Variants in KIAA1755 observed in about 807,000 individuals in gnomAD.
The protein encoded by KIAA1755 is KIAA1755.
KIAA1755 carries 68 observed loss-of-function variants against 91.7 expected under a neutral mutation model. The observed-to-expected ratio is 0.74, with a 90% CI of 0.61 to 0.91. The LOEUF is 0.91. Among genes scored for constraint, KIAA1755 ranks in the 40% least tolerant of loss-of-function variants. KIAA1755 has a pLI of 0.00. For synonymous variants in KIAA1755, 610 were observed against 604.6 expected (o/e 1.01, Z -0.13); for missense variants, 1,535 against 1,494.4 (o/e 1.03, Z -0.45).
intron 2 of KIAA1755, among the ~76,000 whole-genome samples, chr20:38,242,913 A>T (rs1373697169): frequency 6.6e-6 from 1 of 151,982 alleles, no homozygotes. Context: ...TTAAAAAGAA[A>T]TTTTTTTTTA....
At chr20:38,257,929 C>T (rs1235546852) in intron 1 of KIAA1755, among the ~76,000 whole-genome samples, 2 of 149,522 alleles carry the variant, frequency 1.3e-5, no homozygotes, top group Admixed American at 6.6e-5. Context: ...GACAAAGTCT[C>T]GCTCTTGTCC....
At chr20:38,214,619 T>C (rs2075512283) in intron 13 of KIAA1755, among the ~76,000 whole-genome samples, 1 of 152,166 alleles carries the variant, frequency 6.6e-6, no homozygotes, top group African/African-American at 2.4e-5. Context: ...CCAAGCACCT[T>C]CATGGGCAGA....
At chr20:38,215,459 C>T (rs910621822) in intron 13 of KIAA1755, among the ~76,000 whole-genome samples, 23 of 152,130 alleles carry the variant, frequency 1.5e-4, no homozygotes, top group African/African-American at 4.8e-4. Flanking sequence ...GAGCTCGCCT[C>T]GCAGGCACCA....
In KIAA1755 at chr20:38,227,369, A is replaced by G; in HGVS notation, c.1966-129T>C. ...CACAAGGACAGAGTGGGGTCCCTCC[A>G]TGACTGGAATCTTTGTGTGATACGT... On this transcript the variant is annotated intron_variant, in intron 6 of 13. Transcript: ENST00000279024. 6.8e-6 allele frequency: 4 copies of G among 589,318 alleles called. No individual in the cohort carries two copies. The South Asian group carries it at 8.4e-5, about 12-fold the overall frequency. The allele number at this position is 589,318 out of a possible 1,614,324, so 36.5% of individuals were successfully genotyped here.
chr20:38,217,268 G>A lies in KIAA1755; in HGVS notation c.2886C>T (p.His962=), dbSNP rs764230417. 3.1e-6 allele frequency: 5 copies of A among 1,602,062 alleles called. No individual in the cohort carries two copies. The highest frequency in any genetic ancestry group is 2.3e-5 in the South Asian group (2 of 88,696). Residue 962 remains histidine, a synonymous_variant, in exon 13 of 14, where the codon CAC becomes CAT. Transcript: ENST00000279024. ...CGGGGCTCACCCTCTTGCAGAAGCGGTGCAGGTGGAGCAGCGTCTCGAGGT... is the reference window on the plus strand; with the variant it reads ...CGGGGCTCACCCTCTTGCAGAAGCGATGCAGGTGGAGCAGCGTCTCGAGGT... ...RTDLETLLHL[H]RFCKRMTWFH... is the part of the protein sequence containing the mutation.
At chr20:38,260,342 C>A in intron 1 of KIAA1755, 156 bp downstream of exon 1, 1 of 1,569,156 alleles carries the variant, frequency 6.4e-7, no homozygotes, top group Non-Finnish European at 8.7e-7. Flanking sequence ...TGAACCCCTG[C>A]TGGGGTGGAA....
rs371432170 is a variant in KIAA1755, at chr20:38,214,530, G to T, written c.2902-787C>A. On this transcript the variant is annotated intron_variant, in intron 13 of 13. Transcript: ENST00000279024. Reference sequence around the variant, plus strand: ...CCATTTCACAGAGAAGAAAACTGAGGCTCAGAGAAGTGAACTCACTTGCCC... The same window carrying T: ...CCATTTCACAGAGAAGAAAACTGAGTCTCAGAGAAGTGAACTCACTTGCCC... 2.6e-5 allele frequency among the ~76,000 whole-genome samples: 4 copies of T among 152,338 alleles called. No homozygotes were observed. In the East Asian group the frequency reaches 5.8e-4, roughly 22 times the overall value.
chr20:38,219,884 A>G, intron 10 of KIAA1755, 116 bp from the exon 11 acceptor site: 1 of 1,365,254 alleles, frequency 7.3e-7, no homozygotes, highest in Non-Finnish European at 1.0e-6. Flanking sequence ...GTTTCCAGCT[A>G]ACTTGCTGTG....
At chr20:38,230,135 C>T (rs887209254) in intron 5 of KIAA1755, among the ~76,000 whole-genome samples, 1 of 152,108 alleles carries the variant, frequency 6.6e-6, no homozygotes, top group African/African-American at 2.4e-5. Flanking sequence ...GAAAAGAGGG[C>T]GCCTCTTCCC....
chr20:38,245,844 C>T (rs2076149663), intron 2 of KIAA1755, 85 bp downstream of exon 2: 1 of 1,309,550 alleles, frequency 7.6e-7, no homozygotes, highest in Non-Finnish European at 1.1e-6. Flanking sequence ...AGACACAGGC[C>T]AGCCCACCTC....
chr20:38,221,147 C>T (rs1230573140), intron 10 of KIAA1755, among the ~76,000 whole-genome samples: 1 of 152,090 alleles, frequency 6.6e-6, no homozygotes, highest in African/African-American at 2.4e-5. Context: ...GCCCAGGGTG[C>T]GTGAATAGGA....
chr20:38,223,760 G>T, intron 8 of KIAA1755, 124 bp from the exon 9 acceptor site: 1 of 669,912 alleles, frequency 1.5e-6, no homozygotes, highest in Non-Finnish European at 2.6e-6. Flanking sequence ...TGCATCAGAA[G>T]CATCTGGAGA....
chr20:38,230,749 G>A lies in KIAA1755; in HGVS notation c.1871+453C>T, dbSNP rs187063178. On this transcript the variant is annotated intron_variant, in intron 5 of 13. Transcript: ENST00000279024. ...ACTAAAAATACAAAATTAGCCAGGT[G>A]TGGTGGTGCATGCCTGTAATCCCAG... Among the ~76,000 whole-genome samples the A allele has an allele frequency of 3.9e-3, 600 of 152,292 alleles. 6 individuals are homozygous for A. The highest frequency in any genetic ancestry group is 0.014 in the African/African-American group (565 of 41,560).
At chr20:38,253,321 G>A (rs2076284967) in intron 1 of KIAA1755, among the ~76,000 whole-genome samples, 1 of 152,220 alleles carries the variant, frequency 6.6e-6, no homozygotes, top group African/African-American at 2.4e-5. Flanking sequence ...CAGGGGAGTA[G>A]GGGCGTGCGT....
At chr20:38,224,732 C>T (rs761300284) in intron 8 of KIAA1755, among the ~76,000 whole-genome samples, 33 of 152,170 alleles carry the variant, frequency 2.2e-4, no homozygotes, top group East Asian at 3.8e-4. Flanking sequence ...AGAGAGGACC[C>T]GGGGCGGGCA....
At chr20:38,239,824 A>G in intron 3 of KIAA1755, 99 bp from the exon 4 acceptor site, 1 of 1,082,950 alleles carries the variant, frequency 9.2e-7, no homozygotes, top group Non-Finnish European at 1.4e-6. Flanking sequence ...ATAATAGCTT[A>G]CAACTATTGA....
chr20:38,226,668 C>T (rs530595684), intron 7 of KIAA1755, among the ~76,000 whole-genome samples: 2 of 152,168 alleles, frequency 1.3e-5, no homozygotes, highest in Non-Finnish European at 2.9e-5. Flanking sequence ...AGCTGCAGGG[C>T]TCTTTCCTGC....
chr20:38,223,020 A>C, intron 9 of KIAA1755: 1 of 269,136 alleles, frequency 3.7e-6, no homozygotes, highest in Non-Finnish European at 7.3e-6. Context: ...TAGAAGCTCC[A>C]CTCATGCTTC....
At chr20:38,226,318 T>G (rs527277125) in intron 7 of KIAA1755, among the ~76,000 whole-genome samples, 2 of 152,292 alleles carry the variant, frequency 1.3e-5, no homozygotes, top group Admixed American at 1.3e-4. Flanking sequence ...TCCAGATACC[T>G]AGGCTTGGGA....
Sources: gnomAD v4.1 joint callset for allele counts (sites outside exome capture counted in the v4.1 genomes callset) on GRCh38, gnomAD v4.1.1 for gene constraint, MANE v1.5 for transcripts, NCBI Gene and HGNC (gene_info 2026-07-23, HGNC 2026-07-21) for gene names.